The following CTH variants were observed in gnomAD, a reference collection of about 807,000 sequenced individuals.
The protein encoded by CTH is cystathionine gamma-lyase.
In CTH, 41 loss-of-function variants were observed where a neutral mutation model predicts 50.6. The ratio of observed to expected loss-of-function variants is 0.81; its 90% CI spans 0.63 to 1.05. The LOEUF (loss-of-function observed/expected upper bound fraction) is 1.05, where lower values mean the gene tolerates loss of function less well. CTH is among the 50% of genes least tolerant of loss of function. The probability of loss-of-function intolerance (pLI) is 0.00; values close to 1 mark genes in which losing one functional copy is unlikely to be tolerated. For synonymous variants in CTH, 156 were observed against 168.9 expected (o/e 0.92, Z 0.59); for missense variants, 470 against 492.6 (o/e 0.95, Z 0.43).
chr1:70,427,994 T>C (rs1317082602), intron 5 of CTH, among the ~76,000 whole-genome samples: 2 of 152,178 alleles, frequency 1.3e-5, no homozygotes, highest in African/African-American at 4.8e-5. Context: ...ATTACAGGCG[T>C]GAACCACCAC....
At chr1:70,437,940 C>T (rs1684632236) in intron 10 of CTH, among the ~76,000 whole-genome samples, 1 of 152,154 alleles carries the variant, frequency 6.6e-6, no homozygotes, top group Non-Finnish European at 1.5e-5. Context: ...TTTGTCTATA[C>T]TTGTTTGGCA....
intron 3 of CTH, among the ~76,000 whole-genome samples, chr1:70,420,832 G>A (rs967650987): frequency 3.3e-5 from 5 of 151,924 alleles, no homozygotes; most frequent in African/African-American, 1.2e-4. Flanking sequence ...GAAAATTGTT[G>A]ATTTTAAAGA....
chr1:70,418,079 A>G (rs1014882721), intron 3 of CTH, 47 bp downstream of exon 3: 3 of 1,594,308 alleles, frequency 1.9e-6, no homozygotes, highest in Non-Finnish European at 2.6e-6. Flanking sequence ...TATTTTACAG[A>G]TAATAAAGTG....
Position 70,411,347 on chromosome 1 carries a change from C to T in CTH, c.-69C>T, listed in dbSNP as rs1683956385. 2.6e-6 allele frequency: 4 copies of T among 1,555,946 alleles called. No individual in the cohort carries two copies. Among genetic ancestry groups the T allele is most frequent in the Non-Finnish European group, 2.7e-6 (3 of 1,127,284 alleles). The stretch of plus-strand genomic sequence containing the variant: ...CCTGATCCTTCTGTCTCTCCCAACC[C>T]CGGACACCCGGCTTCGACTGGTTAT... On this transcript the variant is annotated 5_prime_UTR_variant, in exon 1 of 12. Coordinates refer to ENST00000370938, the MANE Select transcript of CTH (RefSeq NM_001902.6).
chr1:70,433,272 G>A (rs940977670), intron 8 of CTH, among the ~76,000 whole-genome samples: 1 of 152,264 alleles, frequency 6.6e-6, no homozygotes, highest in Non-Finnish European at 1.5e-5. Context: ...TGCCCTAAAG[G>A]TACTTTAGGT....
Position 70,438,735 on chromosome 1 carries a change from T to C in CTH, c.1100T>C (p.Leu367Pro). The C allele has an allele frequency of 6.2e-7, 1 of 1,614,042 alleles. No individual in the cohort carries two copies. The highest frequency in any genetic ancestry group is 8.5e-7 in the Non-Finnish European group (1 of 1,180,018). ...GTTCTTAAGAATGACAGAGATGTCC[T>C]TGGAATTAGTGACACACTGATTCGA... ...ASVLKNDRDV[L>P]GISDTLIRLS... is the part of the protein sequence containing the mutation. The change falls in exon 11 of 12, where the codon CTT (leucine) becomes CCT (proline). Residue 367 changes from leucine (L) to proline (P), a missense_variant. Coordinates refer to ENST00000370938, the MANE Select transcript of CTH (RefSeq NM_001902.6).
At position 70,439,441 on chromosome 1, in the gene CTH, G is replaced by T; in HGVS notation, c.*314G>T. The T allele has an allele frequency of 3.1e-6, 1 of 320,156 alleles. No individual in the cohort carries two copies. Among genetic ancestry groups the T allele is most frequent in the African/African-American group, 2.1e-5 (1 of 47,330 alleles). The allele number at this position is 320,156 out of a possible 1,614,324, so 19.8% of individuals were successfully genotyped here. A position where few individuals can be genotyped will look rare whatever the true frequency, so the allele number is the denominator to read the frequency against. On this transcript the variant is annotated 3_prime_UTR_variant, in exon 12 of 12. Coordinates refer to ENST00000370938, the MANE Select transcript of CTH (RefSeq NM_001902.6). ...CATGTCTAAGATTTATTTTGATCAT[G>T]TTTATAATATAATGGTAATTCATTT...
rs1021122585 is a variant in CTH, at chr1:70,421,646, C to T, written c.427C>T (p.Leu143=). The T allele has an allele frequency of 2.5e-6, 4 of 1,613,818 alleles. No homozygotes were observed. Among genetic ancestry groups the T allele is most frequent in the Admixed American group, 3.3e-5 (2 of 59,998 alleles). The change falls in exon 4 of 12, where the codon CTA becomes TTA. Residue 143 remains leucine (L), a synonymous_variant. Transcript: ENST00000370938. The part of the protein sequence containing the change: ...SFVDCSKIKL[L]EAAITPETKL... ...TGTTGATTGTTCCAAAATCAAATTA[C>T]TAGAGGCAGCAATTACACCAGAAAC...
At position 70,424,154 on chromosome 1, in the gene CTH, T is replaced by C. The variant is rs1235951242; in HGVS notation, c.457-131T>C. The C allele has an allele frequency of 3.9e-6, 6 of 1,534,128 alleles. No homozygotes were observed. In the Admixed American group the frequency reaches 9.2e-5, roughly 24 times the overall value. ...TTGCAGGTAAGGCTGGGATTCAGAT[T>C]TGAACCTCCCAACATCATCATCCAT... On this transcript the variant is annotated intron_variant, in intron 4 of 11. Transcript: ENST00000370938.
At chr1:70,420,628 T>TG (rs1161766209) in intron 3 of CTH, among the ~76,000 whole-genome samples, 2 of 152,274 alleles carry the variant, frequency 1.3e-5, no homozygotes, top group East Asian at 3.9e-4. Context: ...TGGCCTGGGT[T>TG]GGGGACCCCT....
chr1:70,438,550 TGCC>T, intron 10 of CTH, 135 bp from the exon 11 acceptor site: 22 of 840,772 alleles, frequency 2.6e-5, no homozygotes, highest in Admixed American at 2.3e-4. Context: ...TCTCTTTTTT[TGCC>T]TGTGAATTAT....
chr1:70,433,195 C>A (rs1225259854), intron 8 of CTH, among the ~76,000 whole-genome samples: 1 of 152,068 alleles, frequency 6.6e-6, no homozygotes, highest in Non-Finnish European at 1.5e-5. Flanking sequence ...AAAATTAAGA[C>A]TGGAATTTCA....
chr1:70,414,378 G>A (rs1684042665), intron 1 of CTH, among the ~76,000 whole-genome samples: 1 of 151,978 alleles, frequency 6.6e-6, no homozygotes, highest in South Asian at 2.1e-4. Flanking sequence ...GCTGTGTGTG[G>A]TGGCGTGCCT....
chr1:70,423,714 C>T (rs1220827238), intron 4 of CTH, among the ~76,000 whole-genome samples: 1 of 152,164 alleles, frequency 6.6e-6, no homozygotes, highest in Admixed American at 6.5e-5. Context: ...GTCATTGTTA[C>T]TTTTTAAGTA....
chr1:70,438,673 C>T lies in CTH; in HGVS notation c.1053-15C>T, dbSNP rs777739313. On this transcript the variant is annotated splice_polypyrimidine_tract_variant and intron_variant, in intron 10 of 11. Transcript: ENST00000370938. ...ACAATATAGTGATCAAAAATTTGCT[C>T]ATGTCTTCTTTCAGGGCAATCATGA... 22 of 1,613,784 alleles carry T rather than the reference C, an allele frequency of 1.4e-5. No homozygotes were observed. The highest frequency in any genetic ancestry group is 3.3e-4 in the Middle Eastern group (2 of 6,084).
At position 70,439,477 on chromosome 1, in the gene CTH, G is replaced by A. The variant is rs950106850; in HGVS notation, c.*350G>A. On this transcript the variant is annotated 3_prime_UTR_variant, in exon 12 of 12. Transcript: ENST00000370938. ...AATGGTAATTCATTTTTGATGTTTTGTGAAGAATTTAAATTTAAACGAATG... is the reference window on the plus strand; with the variant it reads ...AATGGTAATTCATTTTTGATGTTTTATGAAGAATTTAAATTTAAACGAATG... 1.4e-5 allele frequency: 3 copies of A among 214,736 alleles called. No individual in the cohort carries two copies. Among genetic ancestry groups the A allele is most frequent in the African/African-American group, 6.9e-5 (3 of 43,492 alleles). 13.3% of individuals were successfully genotyped at this position (214,736 alleles called of 1,614,324 possible). A position where few individuals can be genotyped will look rare whatever the true frequency, so the allele number is the denominator to read the frequency against.
rs1198905543 is a variant in CTH, at chr1:70,439,099, A to G, written c.1192-2A>G. 1.2e-6 allele frequency: 2 copies of G among 1,611,874 alleles called. No homozygotes were observed. The highest frequency in any genetic ancestry group is 1.7e-6 in the Non-Finnish European group (2 of 1,178,066). On this transcript the variant is annotated splice_acceptor_variant, in intron 11 of 11. Transcript: ENST00000370938. LOFTEE classifies it high-confidence loss of function. The stretch of plus-strand genomic sequence containing the variant: ...TATTTTTCTTGTGCACTGTTATTAT[A>G]GCACCCTCCAAGTGGAAGTCACAGC...
intron 3 of CTH, among the ~76,000 whole-genome samples, chr1:70,420,863 A>T (rs1392220304): frequency 6.6e-6 from 1 of 152,096 alleles, no homozygotes. Flanking sequence ...TTATTTTTCA[A>T]TTTTATATTA....
chr1:70,425,332 C>T (rs1293263127), intron 5 of CTH, among the ~76,000 whole-genome samples: 2 of 152,150 alleles, frequency 1.3e-5, no homozygotes, highest in African/African-American at 4.8e-5. Context: ...GGCTTACAAA[C>T]AGCAATTTAT....
Sources: allele counts gnomAD v4.1 joint callset (sites outside exome capture counted in the v4.1 genomes callset), GRCh38; gene constraint gnomAD v4.1.1; transcripts MANE v1.5; gene names NCBI Gene and HGNC (gene_info 2026-07-23, HGNC 2026-07-21).